CNTNAP4: variants seen among roughly 807,000 people sequenced by gnomAD.
CNTNAP4 encodes contactin associated protein family member 4, also known as contactin-associated protein-like 4.
CNTNAP4 carries 98 observed loss-of-function variants against 148.4 expected under a neutral mutation model. The ratio of observed to expected loss-of-function variants is 0.66; its 90% confidence interval spans 0.56 to 0.78. CNTNAP4 has a LOEUF of 0.78. Among genes scored for constraint, CNTNAP4 ranks in the 30% least tolerant of loss-of-function variants. CNTNAP4 has a pLI of 0.00. For synonymous variants in CNTNAP4, 730 were observed against 565.1 expected (o/e 1.29, Z -4.14); for missense variants, 1,935 against 1,565.6 (o/e 1.24, Z -3.98).
chr16:76,397,768 A>G (rs1031360167), intron 3 of CNTNAP4, among the ~76,000 whole-genome samples: 3 of 147,352 alleles, frequency 2.0e-5, no homozygotes, highest in Non-Finnish European at 4.5e-5. Flanking sequence ...TTGTAATTGT[A>G]GCATTATAAG....
chr16:76,453,746 G>A (rs890524259), intron 8 of CNTNAP4, among the ~76,000 whole-genome samples: 6 of 152,026 alleles, frequency 3.9e-5, no homozygotes, highest in Admixed American at 1.3e-4. Flanking sequence ...ATATACAAAT[G>A]CCTATTATTT....
chr16:76,279,123 C>T (rs1567559969), intron 1 of CNTNAP4, among the ~76,000 whole-genome samples: 1 of 152,120 alleles, frequency 6.6e-6, no homozygotes, highest in Non-Finnish European at 1.5e-5. Flanking sequence ...AACAACAACA[C>T]CCACACACAA....
intron 1 of CNTNAP4, among the ~76,000 whole-genome samples, chr16:76,303,414 A>G (rs1161421377): frequency 2.0e-5 from 3 of 152,222 alleles, no homozygotes; most frequent in African/African-American, 7.2e-5. Context: ...AATATCACCT[A>G]ATATGACTAG....
At chr16:76,308,634 A>C (rs1960757690) in intron 1 of CNTNAP4, among the ~76,000 whole-genome samples, 1 of 152,200 alleles carries the variant, frequency 6.6e-6, no homozygotes, top group Non-Finnish European at 1.5e-5. Flanking sequence ...ATCACTGGAC[A>C]GAAATTAATT....
intron 15 of CNTNAP4, among the ~76,000 whole-genome samples, chr16:76,520,794 C>G (rs1404177305): frequency 2.0e-5 from 3 of 152,116 alleles, no homozygotes; most frequent in Non-Finnish European, 4.4e-5. Context: ...AAAAGATTGC[C>G]TATTTATCAA....
At chr16:76,449,881 A>T in intron 7 of CNTNAP4, 23 bp downstream of exon 7, 1 of 1,574,174 alleles carries the variant, frequency 6.4e-7, no homozygotes, top group Non-Finnish European at 8.6e-7. Context: ...ATGCGAAGAC[A>T]TTAGTAAAAC....
intron 1 of CNTNAP4, among the ~76,000 whole-genome samples, chr16:76,293,136 T>C (rs1485912393): frequency 6.6e-6 from 1 of 152,108 alleles, no homozygotes; most frequent in Admixed American, 6.5e-5. Context: ...CTTTCTTTTT[T>C]TTTTTCTTTT....
chr16:76,482,749 G>A (rs1351942815), intron 12 of CNTNAP4, among the ~76,000 whole-genome samples: 2 of 152,070 alleles, frequency 1.3e-5, no homozygotes, highest in Admixed American at 6.6e-5. Context: ...AAGCTCTCCC[G>A]CCTGTGCAGT....
At chr16:76,430,912 G>T (rs1437162539) in intron 4 of CNTNAP4, among the ~76,000 whole-genome samples, 1 of 152,138 alleles carries the variant, frequency 6.6e-6, no homozygotes, top group Non-Finnish European at 1.5e-5. Flanking sequence ...AATCATACAT[G>T]TATTGAGCCT....
At chr16:76,452,406 T>A in intron 7 of CNTNAP4, 102 bp from the exon 8 acceptor site, 1 of 1,206,710 alleles carries the variant, frequency 8.3e-7, no homozygotes, top group East Asian at 2.4e-5. Flanking sequence ...GGCAGTTGTT[T>A]TAAATCGCGG....
At position 76,467,298 on chromosome 16, in the gene CNTNAP4, A is replaced by G. The variant is rs2081206438; in HGVS notation, c.1484-54A>G. The G allele has an allele frequency of 4.7e-6, 7 of 1,496,518 alleles. No individual in the cohort carries two copies. The South Asian group carries it at 8.2e-5, about 17-fold the overall frequency. 92.7% of individuals were successfully genotyped at this position (1,496,518 alleles called of 1,614,324 possible). A position where few individuals can be genotyped will look rare whatever the true frequency, so the allele number is the denominator to read the frequency against. The stretch of plus-strand genomic sequence containing the variant: ...TATTTTTTAAATGAAGTTATCTATG[A>G]TCCTGAATTCTGATTCATTGTGATG... On this transcript the variant is annotated intron_variant, in intron 9 of 23. Transcript: ENST00000611870.
chr16:76,442,578 T>G (rs1441585785), intron 4 of CNTNAP4, among the ~76,000 whole-genome samples: 1 of 151,998 alleles, frequency 6.6e-6, no homozygotes, highest in Non-Finnish European at 1.5e-5. Context: ...GTCAAAACAG[T>G]GGAGAAGGTC....
chr16:76,557,152 C>CT (rs1408739420), intron 23 of CNTNAP4, among the ~76,000 whole-genome samples: 2 of 152,166 alleles, frequency 1.3e-5, no homozygotes, highest in African/African-American at 4.8e-5. Flanking sequence ...TTAGGCAACT[C>CT]TCACACTCTT....
At position 76,558,976 on chromosome 16, in the gene CNTNAP4, CTG is replaced by C; in HGVS notation, c.*295_*296del. The C allele has an allele frequency of 4.8e-6, 1 of 208,816 alleles. No individual in the cohort carries two copies. Among genetic ancestry groups the C allele is most frequent in the Non-Finnish European group, 9.5e-6 (1 of 105,706 alleles). The allele number at this position is 208,816 out of a possible 1,614,324, so 12.9% of individuals were successfully genotyped here. Reference sequence around the variant, plus strand: ...TGGCTACAGTTTTTACATGTGAAAACTGTAGCCTTGGTCTCTTAACCATGTAA... The same window carrying C: ...TGGCTACAGTTTTTACATGTGAAAACTAGCCTTGGTCTCTTAACCATGTAA... On this transcript the variant is annotated 3_prime_UTR_variant, in exon 24 of 24. Coordinates refer to ENST00000611870, the MANE Select transcript of CNTNAP4 (RefSeq NM_033401.5).
intron 1 of CNTNAP4, among the ~76,000 whole-genome samples, chr16:76,304,312 A>G (rs144587755): frequency 0.01 from 1,566 of 152,270 alleles, 22 homozygotes; most frequent in Middle Eastern, 0.027. Flanking sequence ...GCTTCAGTGC[A>G]AGGCGACAGG....
intron 2 of CNTNAP4, among the ~76,000 whole-genome samples, chr16:76,347,677 T>G (rs1965022291): frequency 6.6e-6 from 1 of 152,130 alleles, no homozygotes; most frequent in Non-Finnish European, 1.5e-5. Context: ...TAGCCCAGAG[T>G]ATCTCAGAGA....
At chr16:76,308,824 TA>T (rs1960777405) in intron 1 of CNTNAP4, among the ~76,000 whole-genome samples, 1 of 152,118 alleles carries the variant, frequency 6.6e-6, no homozygotes, top group African/African-American at 2.4e-5. Flanking sequence ...ATTTTATTTT[TA>T]TTTTTAATTT....
rs755634887 is a variant in CNTNAP4, at chr16:76,538,245, T to C, written c.3125T>C (p.Ile1042Thr). ...HGDMKLSREM[I>T]KFSFRTTRTP... ...GATATGAAGCTGAGCAGAGAAATGATCAAATTTAGTTTCCGAACAACACGA... is the reference window on the plus strand; with the variant it reads ...GATATGAAGCTGAGCAGAGAAATGACCAAATTTAGTTTCCGAACAACACGA... Residue 1042 changes from isoleucine (I) to threonine (T), a missense_variant, in exon 19 of 24, where the codon ATC becomes ACC. Transcript: ENST00000611870. The C allele has an allele frequency of 6.2e-7, 1 of 1,611,366 alleles. No individual in the cohort carries two copies.
At chr16:76,545,132 G>A (rs1016411804) in intron 21 of CNTNAP4, among the ~76,000 whole-genome samples, 8 of 152,156 alleles carry the variant, frequency 5.3e-5, no homozygotes, top group African/African-American at 1.9e-4. Flanking sequence ...AGCAAGAAAA[G>A]TAAAATCAAA....
Sources: allele counts gnomAD v4.1 joint callset (sites outside exome capture counted in the v4.1 genomes callset), GRCh38; gene constraint gnomAD v4.1.1; transcripts MANE v1.5; gene names NCBI Gene and HGNC (gene_info 2026-07-23, HGNC 2026-07-21).